The following ARMH4 variants were observed in gnomAD, a reference collection of about 807,000 sequenced individuals.
ARMH4 encodes the protein armadillo like helical domain containing 4.
ARMH4 carries 49 observed loss-of-function variants against 61.9 expected under a neutral mutation model. The observed-to-expected ratio is 0.79, with a 90% CI of 0.63 to 1.00. ARMH4 has a LOEUF of 1.00. ARMH4 is among the 50% of genes least tolerant of loss of function. ARMH4 has a pLI of 0.00. For missense variants in ARMH4, 934 were observed against 930.0 expected (o/e 1.00, Z -0.06); for synonymous variants, 368 against 341.5 (o/e 1.08, Z -0.85).
At chr14:58,148,315 G>A (rs1035602303) in intron 1 of ARMH4, among the ~76,000 whole-genome samples, 2 of 152,148 alleles carry the variant, frequency 1.3e-5, no homozygotes, top group Non-Finnish European at 2.9e-5. Context: ...AAAGTGTTGG[G>A]ATTACAGGCG....
chr14:58,074,007 G>T (rs1458273005), intron 5 of ARMH4, among the ~76,000 whole-genome samples: 1 of 152,154 alleles, frequency 6.6e-6, no homozygotes, highest in African/African-American at 2.4e-5. Context: ...AATCATTGAG[G>T]TTTTATTATA....
rs1426816711 is a variant in ARMH4, at chr14:58,001,200, T to C, written c.*3536A>G. On this transcript the variant is annotated 3_prime_UTR_variant, in exon 8 of 8. Transcript: ENST00000267485. ...AATGACAGAATTTCCTTATTTCCTA[T>C]GGCTGAATAATATTCTACTGTATGT... 1.3e-5 allele frequency: 2 copies of C among 152,228 alleles called. No homozygotes were observed. Among genetic ancestry groups the C allele is most frequent in the African/African-American group, 2.4e-5 (1 of 41,464 alleles). 9.4% of individuals were successfully genotyped at this position (152,228 alleles called of 1,614,324 possible). A position where few individuals can be genotyped will look rare whatever the true frequency, so the allele number is the denominator to read the frequency against.
chr14:58,007,887 C>G (rs1290960613), intron 6 of ARMH4, among the ~76,000 whole-genome samples: 1 of 152,084 alleles, frequency 6.6e-6, no homozygotes, highest in African/African-American at 2.4e-5. Flanking sequence ...AAAGTATATT[C>G]TGTTTTTTAA....
chr14:58,140,529 T>C (rs1327914599), intron 1 of ARMH4, among the ~76,000 whole-genome samples: 1 of 151,296 alleles, frequency 6.6e-6, no homozygotes, highest in African/African-American at 2.4e-5. Context: ...TGCAGTGAGC[T>C]GAGATCATGC....
At chr14:58,007,945 G>A (rs1188149643) in intron 6 of ARMH4, among the ~76,000 whole-genome samples, 3 of 152,034 alleles carry the variant, frequency 2.0e-5, no homozygotes, top group Non-Finnish European at 2.9e-5. Context: ...GATAAAAGAT[G>A]GCTATAAAAA....
chr14:58,032,068 C>G (rs1209243371), intron 5 of ARMH4, among the ~76,000 whole-genome samples: 2 of 152,186 alleles, frequency 1.3e-5, no homozygotes, highest in Non-Finnish European at 2.9e-5. Flanking sequence ...TCTGTCTTCA[C>G]CTTTTCTTCT....
intron 5 of ARMH4, among the ~76,000 whole-genome samples, chr14:58,049,454 T>C (rs1301771907): frequency 6.6e-6 from 1 of 152,200 alleles, no homozygotes; most frequent in African/African-American, 2.4e-5. Context: ...TATTTTAGGT[T>C]ACAAAGTAAA....
chr14:58,061,040 A>T (rs178495), intron 5 of ARMH4, among the ~76,000 whole-genome samples: 1 of 151,928 alleles, frequency 6.6e-6, no homozygotes, highest in South Asian at 2.1e-4. Flanking sequence ...AGCCCCTCAG[A>T]CCAATTTGGT....
intron 5 of ARMH4, among the ~76,000 whole-genome samples, chr14:58,020,948 G>A (rs991768679): frequency 7.2e-5 from 11 of 152,334 alleles, no homozygotes; most frequent in African/African-American, 2.6e-4. Flanking sequence ...AGAACCAGGA[G>A]AGCTGATGTA....
chr14:58,130,458 A>T (rs777960542), intron 4 of ARMH4, among the ~76,000 whole-genome samples: 1 of 152,238 alleles, frequency 6.6e-6, no homozygotes, highest in Non-Finnish European at 1.5e-5. Flanking sequence ...CAGCAAACAC[A>T]TGGCTAATTG....
intron 5 of ARMH4, among the ~76,000 whole-genome samples, chr14:58,018,094 C>T (rs1203374263): frequency 6.6e-6 from 1 of 152,126 alleles, no homozygotes; most frequent in Non-Finnish European, 1.5e-5. Context: ...AACTTACAGC[C>T]TCATCTCACA....
At chr14:58,051,802 C>T (rs985311262) in intron 5 of ARMH4, among the ~76,000 whole-genome samples, 4 of 152,130 alleles carry the variant, frequency 2.6e-5, no homozygotes, top group Non-Finnish European at 1.5e-5. Flanking sequence ...GTCCAGTCTT[C>T]ACTTTGCATC....
chr14:58,010,646 G>T (rs916597847), intron 6 of ARMH4, among the ~76,000 whole-genome samples: 4 of 151,900 alleles, frequency 2.6e-5, no homozygotes, highest in African/African-American at 9.7e-5. Flanking sequence ...ATAAAAAGGA[G>T]CAAGAAAAAG....
intron 4 of ARMH4, among the ~76,000 whole-genome samples, chr14:58,125,664 C>T (rs1032524224): frequency 6.6e-6 from 1 of 152,194 alleles, no homozygotes; most frequent in African/African-American, 2.4e-5. Context: ...GGCCTGCTAG[C>T]CAATGCTCTG....
intron 5 of ARMH4, among the ~76,000 whole-genome samples, chr14:58,081,798 G>A (rs768664182): frequency 7.2e-5 from 11 of 152,048 alleles, no homozygotes; most frequent in East Asian, 3.9e-4. Flanking sequence ...GAGCCACCAC[G>A]CCTGGCCAAG....
At chr14:58,146,529 T>C (rs937726400) in intron 1 of ARMH4, among the ~76,000 whole-genome samples, 1 of 152,234 alleles carries the variant, frequency 6.6e-6, no homozygotes, top group Non-Finnish European at 1.5e-5. Context: ...TCTATCCTAA[T>C]AGCTTGGCAG....
chr14:58,104,163 C>T lies in ARMH4; in HGVS notation c.1832-7182G>A, dbSNP rs541965091. The stretch of plus-strand genomic sequence containing the variant: ...AGAGATTTCCTTCTCCTTCTCTCTG[C>T]CCTGAAATGTCCAACATGAGATGCC... On this transcript the variant is annotated intron_variant, in intron 4 of 7. Transcript: ENST00000267485. 2.5e-4 allele frequency among the ~76,000 whole-genome samples: 38 copies of T among 152,300 alleles called. 1 individual carries two copies. The highest frequency in any genetic ancestry group is 8.9e-4 in the African/African-American group (37 of 41,548).
chr14:58,140,649 C>G (rs1887511400), intron 1 of ARMH4, among the ~76,000 whole-genome samples: 1 of 151,440 alleles, frequency 6.6e-6, no homozygotes, highest in African/African-American at 2.4e-5. Flanking sequence ...ACCTGAAATC[C>G]CAGCACTTTG....
chr14:58,012,260 G>T, intron 5 of ARMH4, 110 bp from the exon 6 acceptor site: 2 of 595,788 alleles, frequency 3.4e-6, no homozygotes, highest in Non-Finnish European at 5.7e-6. Flanking sequence ...TACAGTAAAA[G>T]GATTAACAAT....
Sources: allele counts gnomAD v4.1 joint callset (sites outside exome capture counted in the v4.1 genomes callset), GRCh38; gene constraint gnomAD v4.1.1; transcripts MANE v1.5; gene names NCBI Gene and HGNC (gene_info 2026-07-23, HGNC 2026-07-21).